Variants in ADGRE5 observed in about 807,000 individuals in gnomAD.
ADGRE5 encodes the protein adhesion G protein-coupled receptor E5, also known as CD97 molecule.
A neutral mutation model predicts 100.3 loss-of-function variants in ADGRE5; 72 were observed. The ratio of observed to expected loss-of-function variants is 0.72; its 90% CI spans 0.59 to 0.87. The LOEUF (loss-of-function observed/expected upper bound fraction) is 0.87, where lower values mean the gene tolerates loss of function less well. Among genes scored for constraint, ADGRE5 ranks in the 40% least tolerant of loss-of-function variants. The pLI, the probability that ADGRE5 is intolerant of heterozygous loss-of-function variation, is 0.00. For synonymous variants in ADGRE5, 439 were observed against 447.8 expected (o/e 0.98, Z 0.25); for missense variants, 959 against 1,094.7 (o/e 0.88, Z 1.75).
intron 4 of ADGRE5, among the ~76,000 whole-genome samples, chr19:14,391,848 A>G (rs1975610780): frequency 6.6e-6 from 1 of 152,132 alleles, no homozygotes; most frequent in South Asian, 2.1e-4. Context: ...CTGTAATCCC[A>G]ACACTTTGGG....
chr19:14,386,620 G>A (rs2146346043), intron 1 of ADGRE5: 1 of 151,038 alleles, frequency 6.6e-6, no homozygotes. Flanking sequence ...TGTGAACCCG[G>A]GAGGCGGAGC....
chr19:14,402,799 C>G lies in ADGRE5; in HGVS notation c.1386C>G (p.Ile462Met), dbSNP rs1361278979. 5.6e-6 allele frequency: 9 copies of G among 1,614,034 alleles called. No individual in the cohort carries two copies. The highest frequency in any genetic ancestry group is 7.6e-6 in the Non-Finnish European group (9 of 1,180,038). The change falls in exon 12 of 20, where the codon ATC (isoleucine) becomes ATG (methionine). Residue 462 changes from isoleucine to methionine, a missense_variant. Coordinates refer to ENST00000242786, the MANE Select transcript of ADGRE5 (RefSeq NM_078481.4). The stretch of plus-strand genomic sequence containing the variant: ...ACACCAAGGAACTCAACTCCCCCAT[C>G]CTTTTCGCCTTCTCCCACCTTGAGT... ...HNNTKELNSP[I>M]LFAFSHLESS...
intron 1 of ADGRE5, among the ~76,000 whole-genome samples, chr19:14,386,148 G>A (rs961678378): frequency 4.6e-5 from 7 of 151,902 alleles, no homozygotes; most frequent in African/African-American, 1.7e-4. Flanking sequence ...GGGAGGCCAA[G>A]GCAGGTGGAT....
rs181746082 is a variant in ADGRE5 at position 14,389,924 on chromosome 19, C to T, written c.191-1000C>T. Among the ~76,000 whole-genome samples, 32 of 151,140 alleles carry T rather than the reference C, an allele frequency of 2.1e-4. No homozygotes were observed. In the East Asian group the frequency reaches 2.8e-3, roughly 13 times the overall value. Reference sequence around the variant, plus strand: ...TCTCTACTAAAAATACAAAATTAACCGGGTGTGGTGGCCCATGAGCACATG... The same window carrying T: ...TCTCTACTAAAAATACAAAATTAACTGGGTGTGGTGGCCCATGAGCACATG... On this transcript the variant is annotated intron_variant, in intron 3 of 19. Coordinates refer to ENST00000242786, the MANE Select transcript of ADGRE5 (RefSeq NM_078481.4).
At chr19:14,398,841 C>A (rs1213557270) in intron 9 of ADGRE5, among the ~76,000 whole-genome samples, 1 of 148,442 alleles carries the variant, frequency 6.7e-6, no homozygotes, top group Non-Finnish European at 1.5e-5. Flanking sequence ...TGTTTGTTTG[C>A]GTTTTTTTTT....
chr19:14,396,569 C>T (rs1309127765), intron 5 of ADGRE5, 96 bp downstream of exon 5: 33 of 1,547,946 alleles, frequency 2.1e-5, no homozygotes, highest in South Asian at 7.3e-5. Context: ...GGGGAAGATC[C>T]GCAGGTTCCC....
chr19:14,381,968 C>T (rs1470805056), intron 1 of ADGRE5, among the ~76,000 whole-genome samples: 1 of 152,126 alleles, frequency 6.6e-6, no homozygotes, highest in Non-Finnish European at 1.5e-5. Context: ...CTGCAAGGTA[C>T]CCCCAATTTG....
At chr19:14,395,829 T>C (rs1323729677) in intron 4 of ADGRE5, among the ~76,000 whole-genome samples, 1 of 152,184 alleles carries the variant, frequency 6.6e-6, no homozygotes, top group Non-Finnish European at 1.5e-5. Context: ...GCGGGGGCAC[T>C]GGCTTAGGGA....
At position 14,408,639 on chromosome 19, in the gene ADGRE5, G is replaced by A. The variant is rs1976394778; in HGVS notation, c.*518G>A. 2.1e-6 allele frequency: 1 copy of A among 479,712 alleles called. No individual in the cohort carries two copies. Among genetic ancestry groups the A allele is most frequent in the Non-Finnish European group, 3.7e-6 (1 of 273,970 alleles). The allele number at this position is 479,712 out of a possible 1,614,324, so 29.7% of individuals were successfully genotyped here. On this transcript the variant is annotated 3_prime_UTR_variant, in exon 20 of 20. Coordinates refer to ENST00000242786, the MANE Select transcript of ADGRE5 (RefSeq NM_078481.4). ...CCGGGCAGGAGGTTCTCACTGTTGT[G>A]AAGGTTGTAGACGTTGTGTAATGTG...
intron 4 of ADGRE5, among the ~76,000 whole-genome samples, chr19:14,394,167 G>A (rs760041380): frequency 6.6e-6 from 1 of 152,206 alleles, no homozygotes; most frequent in Non-Finnish European, 1.5e-5. Context: ...GCTGGGCAGA[G>A]ACATGGACAG....
intron 4 of ADGRE5, among the ~76,000 whole-genome samples, chr19:14,391,850 C>A (rs954685231): frequency 1.3e-5 from 2 of 152,046 alleles, no homozygotes; most frequent in Non-Finnish European, 2.9e-5. Context: ...GTAATCCCAA[C>A]ACTTTGGGAG....
chr19:14,407,837 G>C (rs550654195), intron 18 of ADGRE5, 71 bp from the exon 19 acceptor site: 2 of 1,291,756 alleles, frequency 1.5e-6, no homozygotes, highest in African/African-American at 2.9e-5. Flanking sequence ...GGGGCTGAGG[G>C]CAGAGCATGG....
Position 14,384,827 on chromosome 19 carries a change from G to C in ADGRE5, c.22+3282G>C, listed in dbSNP as rs534527209. On this transcript the variant is annotated intron_variant, in intron 1 of 19. Transcript: ENST00000242786. ...TCTCTCTGTCTGTCTCTATCTCTCCGTGTCTCTGTCTCCTCTGTCTTATAT... is the reference window on the plus strand; with the variant it reads ...TCTCTCTGTCTGTCTCTATCTCTCCCTGTCTCTGTCTCCTCTGTCTTATAT... 1.3e-3 allele frequency among the ~76,000 whole-genome samples: 197 copies of C among 150,260 alleles called. 1 individual carries two copies. The highest frequency in any genetic ancestry group is 4.3e-3 in the African/African-American group (175 of 40,794).
Position 14,408,310 on chromosome 19 carries a change from G to A in ADGRE5, c.*189G>A, listed in dbSNP as rs1298835509. On this transcript the variant is annotated 3_prime_UTR_variant, in exon 20 of 20. Coordinates refer to ENST00000242786, the MANE Select transcript of ADGRE5 (RefSeq NM_078481.4). Reference sequence around the variant, plus strand: ...CCAGGACACCCAGTGGGGTGGAGTCGGAGCCACTGGTCCTGCTGCTGGCTG... The same window carrying A: ...CCAGGACACCCAGTGGGGTGGAGTCAGAGCCACTGGTCCTGCTGCTGGCTG... The A allele has an allele frequency of 1.6e-5, 11 of 672,622 alleles. No homozygotes were observed. The highest frequency in any genetic ancestry group is 4.5e-5 in the Admixed American group (2 of 44,068). The allele number at this position is 672,622 out of a possible 1,614,324, so 41.7% of individuals were successfully genotyped here.
chr19:14,397,610 C>T lies in ADGRE5; in HGVS notation c.626-48C>T, dbSNP rs1022855950. The T allele has an allele frequency of 2.5e-6, 4 of 1,602,060 alleles. No homozygotes were observed. In the African/African-American group the frequency reaches 5.4e-5, roughly 22 times the overall value. On this transcript the variant is annotated intron_variant, in intron 6 of 19. Coordinates refer to ENST00000242786, the MANE Select transcript of ADGRE5 (RefSeq NM_078481.4). ...CTGGGGGCACAGACAGGAGACAGGACCCTCTCCAGGCTGGGACAGGACCTG... is the reference window on the plus strand; with the variant it reads ...CTGGGGGCACAGACAGGAGACAGGATCCTCTCCAGGCTGGGACAGGACCTG...
At chr19:14,399,226 A>T (rs560654576) in intron 9 of ADGRE5, among the ~76,000 whole-genome samples, 1 of 151,940 alleles carries the variant, frequency 6.6e-6, no homozygotes, top group African/African-American at 2.4e-5. Flanking sequence ...AACTAATAGA[A>T]GTAAGACTCA....
chr19:14,403,500 G>A (rs1976096323), intron 12 of ADGRE5, among the ~76,000 whole-genome samples: 1 of 152,024 alleles, frequency 6.6e-6, no homozygotes. Flanking sequence ...CTACAGGCAT[G>A]CACCACCACT....
At chr19:14,403,394 C>T (rs1976093049) in intron 12 of ADGRE5, among the ~76,000 whole-genome samples, 1 of 151,988 alleles carries the variant, frequency 6.6e-6, no homozygotes, top group African/African-American at 2.4e-5. Flanking sequence ...ACTCTGTGGC[C>T]CAGGCTGGAG....
rs760791389 is a variant in ADGRE5 at position 14,405,950 on chromosome 19, G to T, written c.1821+11G>T. Reference sequence around the variant, plus strand: ...AACGAAGGCGGCCAGGTGAGGTCCCGCCCCGCTCCCTCCTGAGCTCTGGGG... The same window carrying T: ...AACGAAGGCGGCCAGGTGAGGTCCCTCCCCGCTCCCTCCTGAGCTCTGGGG... On this transcript the variant is annotated intron_variant, in intron 14 of 19. Coordinates refer to ENST00000242786, the MANE Select transcript of ADGRE5 (RefSeq NM_078481.4). 5 of 1,600,510 alleles carry T rather than the reference G, an allele frequency of 3.1e-6. No homozygotes were observed. In the Admixed American group the frequency reaches 5.0e-5, roughly 16 times the overall value.
Sources: gnomAD v4.1 joint callset for allele counts (sites outside exome capture counted in the v4.1 genomes callset) on GRCh38, gnomAD v4.1.1 for gene constraint, MANE v1.5 for transcripts, NCBI Gene and HGNC (gene_info 2026-07-23, HGNC 2026-07-21) for gene names.